Variants in GAS7 observed in about 807,000 individuals in gnomAD.
GAS7 encodes growth arrest-specific protein 7.
GAS7 carries 28 observed loss-of-function variants against 71.1 expected under a neutral mutation model. The ratio of observed to expected loss-of-function variants is 0.39; its 90% CI spans 0.29 to 0.54. The LOEUF is 0.54. Among genes scored for constraint, GAS7 ranks in the 20% least tolerant of loss-of-function variants. The probability of loss-of-function intolerance (pLI) is 0.62; values close to 1 mark genes in which losing one functional copy is unlikely to be tolerated. For synonymous variants in GAS7, 258 were observed against 245.8 expected, an observed-to-expected ratio of 1.05 and a Z score of -0.46; for missense variants, 436 against 627.8, an observed-to-expected ratio of 0.69 and a Z score of 3.27.
At chr17:9,990,843 G>A (rs1407820143) in intron 2 of GAS7, among the ~76,000 whole-genome samples, 4 of 152,192 alleles carry the variant, frequency 2.6e-5, no homozygotes, top group Admixed American at 1.3e-4. Flanking sequence ...CCCTCTGGGT[G>A]ATTGTGGTAT....
intron 1 of GAS7, among the ~76,000 whole-genome samples, chr17:10,035,400 G>C (rs1271461834): frequency 1.3e-5 from 2 of 152,164 alleles, no homozygotes; most frequent in African/African-American, 4.8e-5. Flanking sequence ...ACATTTTAAA[G>C]GTTCCCGGGT....
At chr17:9,987,313 A>G (rs3786086) in intron 2 of GAS7, among the ~76,000 whole-genome samples, 2 of 152,248 alleles carry the variant, frequency 1.3e-5, no homozygotes, top group East Asian at 3.9e-4. Flanking sequence ...CACAAAACAC[A>G]TATTTTCCTA....
In GAS7 at chr17:9,920,405, T is replaced by C. The variant is rs567709063; in HGVS notation, c.1139-700A>G. On this transcript the variant is annotated intron_variant, in intron 11 of 13. Transcript: ENST00000432992. ...AAAGATCCGAGGCAAACATAACTAT[T>C]CAATCTTTAGGACTACTCTATTACT... Among the ~76,000 whole-genome samples the C allele has an allele frequency of 4.6e-5, 7 of 152,342 alleles. No homozygotes were observed. The South Asian group carries it at 1.4e-3, about 32-fold the overall frequency.
chr17:10,184,925 CTTT>C (rs58498116), intron 1 of GAS7, among the ~76,000 whole-genome samples: 210 of 130,842 alleles, frequency 1.6e-3, no homozygotes, highest in Middle Eastern at 4.1e-3. Flanking sequence ...TATAAAAACT[CTTT>C]TTTTTTTTTT....
At chr17:9,940,266 C>T (rs2068555107) in intron 7 of GAS7, 66 bp from the exon 8 acceptor site, 1 of 1,152,862 alleles carries the variant, frequency 8.7e-7, no homozygotes, top group African/African-American at 1.5e-5. Flanking sequence ...TGCCCTGCTG[C>T]CCTGCACACC....
rs190231063 is a variant in GAS7, at chr17:9,985,141, C to T, written c.305-3257G>A. On this transcript the variant is annotated intron_variant, in intron 2 of 13. Transcript: ENST00000432992. Reference sequence around the variant, plus strand: ...AGGGCCTGGAGATGCCCCTCCATCACGTTCCTCTTGTCTTCTCCATGTCAC... The same window carrying T: ...AGGGCCTGGAGATGCCCCTCCATCATGTTCCTCTTGTCTTCTCCATGTCAC... Among the ~76,000 whole-genome samples, 12 of 152,264 alleles carry T rather than the reference C, an allele frequency of 7.9e-5. No individual in the cohort carries two copies. The East Asian group carries it at 1.9e-3, about 25-fold the overall frequency.
chr17:10,145,709 G>T (rs192599603), intron 1 of GAS7, among the ~76,000 whole-genome samples: 78 of 152,282 alleles, frequency 5.1e-4, no homozygotes, highest in South Asian at 1.5e-3. Flanking sequence ...TGGGCCAGGT[G>T]GGGGAGGTGG....
chr17:10,129,516 C>T (rs1364655950), intron 1 of GAS7, among the ~76,000 whole-genome samples: 1 of 152,120 alleles, frequency 6.6e-6, no homozygotes, highest in East Asian at 1.9e-4. Flanking sequence ...GCCTGAGTGA[C>T]AGTGAGACCC....
At chr17:9,947,600 T>G (rs2068836828) in intron 5 of GAS7, among the ~76,000 whole-genome samples, 1 of 151,762 alleles carries the variant, frequency 6.6e-6, no homozygotes, top group African/African-American at 2.4e-5. Flanking sequence ...CAAAATTAGC[T>G]GGGCGTAGTG....
intron 11 of GAS7, among the ~76,000 whole-genome samples, chr17:9,920,771 C>A (rs1597445282): frequency 6.6e-6 from 1 of 152,210 alleles, no homozygotes; most frequent in South Asian, 2.1e-4. Context: ...ATGGTGTTTG[C>A]TCACGATGGA....
intron 1 of GAS7, among the ~76,000 whole-genome samples, chr17:10,171,205 A>G (rs966619806): frequency 6.6e-6 from 1 of 152,172 alleles, no homozygotes; most frequent in Non-Finnish European, 1.5e-5. Flanking sequence ...TTAAAACTGA[A>G]CATCTTGACC....
At chr17:10,043,413 G>T (rs530473393) in intron 1 of GAS7, among the ~76,000 whole-genome samples, 1 of 152,128 alleles carries the variant, frequency 6.6e-6, no homozygotes, top group South Asian at 2.1e-4. Context: ...TGAACAACAC[G>T]AGGGTTTAGA....
intron 5 of GAS7, among the ~76,000 whole-genome samples, chr17:9,949,457 C>G (rs1000021400): frequency 4.6e-5 from 7 of 152,210 alleles, no homozygotes; most frequent in Non-Finnish European, 8.8e-5. Flanking sequence ...GGCCCATGGA[C>G]CTCCCGTTGT....
At position 9,971,551 on chromosome 17, in the gene GAS7, T is replaced by G. The variant is rs986589930; in HGVS notation, c.386-1789A>C. Among the ~76,000 whole-genome samples the G allele has an allele frequency of 2.6e-5, 4 of 151,978 alleles. No individual in the cohort carries two copies. The East Asian group carries it at 7.7e-4, about 29-fold the overall frequency. On this transcript the variant is annotated intron_variant, in intron 3 of 13. Transcript: ENST00000432992. Reference sequence around the variant, plus strand: ...CTACACTCCAGCCCACACTTCAGAGTGTGACACCCTGTATCAAAAAAGTGG... The same window carrying G: ...CTACACTCCAGCCCACACTTCAGAGGGTGACACCCTGTATCAAAAAAGTGG...
intron 1 of GAS7, among the ~76,000 whole-genome samples, chr17:10,166,011 C>CTTTTTTTTTTTT (rs11356429): frequency 7.0e-6 from 1 of 143,170 alleles, no homozygotes. Flanking sequence ...TTTTCTTTTT[C>CTTTTTTTTTTTT]TTTTTTTTTT....
intron 9 of GAS7, among the ~76,000 whole-genome samples, chr17:9,929,300 C>T (rs1457379593): frequency 1.3e-5 from 2 of 152,062 alleles, no homozygotes; most frequent in Admixed American, 1.3e-4. Context: ...TGGACCCCAG[C>T]CCCAGGTTCT....
intron 1 of GAS7, among the ~76,000 whole-genome samples, chr17:10,126,376 CCACACACT>C (rs1567602269): frequency 4.0e-5 from 2 of 49,578 alleles, no homozygotes; most frequent in African/African-American, 7.8e-5. Flanking sequence ...GCACACACAC[CCACACACT>C]CACGCACATG....
chr17:10,064,223 G>T (rs2073255075), intron 1 of GAS7, among the ~76,000 whole-genome samples: 1 of 152,186 alleles, frequency 6.6e-6, no homozygotes, highest in Non-Finnish European at 1.5e-5. Context: ...GGGACTGTGA[G>T]TCTGCTTTTC....
chr17:10,029,606 T>C lies in GAS7; in HGVS notation c.184-9709A>G, dbSNP rs1013518430. On this transcript the variant is annotated intron_variant, in intron 1 of 13. Transcript: ENST00000432992. ...CGGTGCCTCATGCCTATAATCCTAATATTTTGGGAGTCCAAGGTAGGGGGA... is the reference window on the plus strand; with the variant it reads ...CGGTGCCTCATGCCTATAATCCTAACATTTTGGGAGTCCAAGGTAGGGGGA... Among the ~76,000 whole-genome samples the C allele has an allele frequency of 3.9e-5, 6 of 152,202 alleles. 1 individual carries two copies. Among genetic ancestry groups the C allele is most frequent in the Admixed American group, 6.5e-5 (1 of 15,286 alleles).
Sources: allele counts gnomAD v4.1 joint callset (sites outside exome capture counted in the v4.1 genomes callset), GRCh38; gene constraint gnomAD v4.1.1; transcripts MANE v1.5; gene names NCBI Gene and HGNC (gene_info 2026-07-23, HGNC 2026-07-21).